Variants in COX11 observed in about 807,000 individuals in gnomAD.
COX11 encodes cytochrome c oxidase assembly protein COX11, mitochondrial.
Under a neutral mutation model 29.4 loss-of-function variants are expected in COX11, and 18 were observed. The ratio of observed to expected loss-of-function variants is 0.61; its 90% CI spans 0.42 to 0.91. The LOEUF (loss-of-function observed/expected upper bound fraction) is 0.91. Ranked by LOEUF, COX11 falls within the 40% of genes least tolerant of loss-of-function variation. COX11 has a pLI of 0.00. For missense variants in COX11, 312 were observed against 346.0 expected, an observed-to-expected ratio of 0.90 and a Z score of 0.78; for synonymous variants, 131 against 124.0, an observed-to-expected ratio of 1.06 and a Z score of -0.38.
At chr17:54,952,125 A>G (rs2049264396) in exon 1 of COX11, 1 of 152,198 alleles carries the variant, frequency 6.6e-6, no homozygotes, top group African/African-American at 2.4e-5. Flanking sequence ...GGAAGATACA[A>G]ATTTTACGAA....
Position 54,968,363 on chromosome 17 carries a change from G to T in COX11, c.284C>A (p.Thr95Asn). ...GGCGACAGCGGCCACGTAAGTGAGG[G>T]TCGTCTTGTTCTGCCGCCGCCGCTC... ...EEERRRQNKT[T>N]LTYVAAVAVG... The change falls in exon 1 of 4, where the codon ACC becomes AAC. Residue 95 changes from threonine (T) to asparagine (N), a missense_variant. Thr to Asn is a moderately conservative substitution (Grantham distance 65). Coordinates refer to ENST00000299335, the MANE Select transcript of COX11 (RefSeq NM_004375.5). 6.2e-7 allele frequency: 1 copy of T among 1,613,004 alleles called. No individual in the cohort carries two copies. The highest frequency in any genetic ancestry group is 2.2e-5 in the East Asian group (1 of 44,820).
downstream of COX11, among the ~76,000 whole-genome samples, chr17:54,955,686 T>C (rs146067893): frequency 2.2e-4 from 34 of 152,036 alleles, no homozygotes; most frequent in African/African-American, 8.0e-4. Context: ...GCGATGTCTC[T>C]CAGTCTCCCA....
rs1037217468 is a variant in COX11 at position 54,960,781 on chromosome 17, C to G, written c.*1952G>C. Among the ~76,000 whole-genome samples the G allele has an allele frequency of 6.6e-6, 1 of 152,128 alleles. No individual in the cohort carries two copies. Among genetic ancestry groups the G allele is most frequent in the Non-Finnish European group, 1.5e-5 (1 of 68,034 alleles). ...CCTGAATCATTCAAATTGTGCTGAA[C>G]CATTGTTCACTAATGAGAGTCATTC... On this transcript the variant is annotated 3_prime_UTR_variant, in exon 4 of 4. Transcript: ENST00000299335.
intron 1 of COX11, among the ~76,000 whole-genome samples, chr17:54,967,166 T>C (rs1325070766): frequency 2.0e-5 from 3 of 152,138 alleles, no homozygotes; most frequent in Admixed American, 6.5e-5. Context: ...TAAAACATAC[T>C]TGACAATTAC....
intron 1 of COX11, among the ~76,000 whole-genome samples, chr17:54,966,527 G>A (rs530906548): frequency 6.6e-6 from 1 of 152,222 alleles, no homozygotes; most frequent in East Asian, 1.9e-4. Flanking sequence ...TGGTTATTTA[G>A]TAGCATTCCT....
At chr17:54,955,803 T>C (rs958369751), downstream of COX11, among the ~76,000 whole-genome samples, 19 of 152,202 alleles carry the variant, frequency 1.2e-4, no homozygotes, top group African/African-American at 4.3e-4. Context: ...ACCACTCTTT[T>C]AGTAGTTCAT....
At position 54,962,719 on chromosome 17, in the gene COX11, CT is replaced by C; in HGVS notation, c.*13del. The C allele has an allele frequency of 6.2e-7, 1 of 1,605,398 alleles. No homozygotes were observed. Among genetic ancestry groups the C allele is most frequent in the Non-Finnish European group, 8.5e-7 (1 of 1,177,674 alleles). Reference sequence around the variant, plus strand: ...CAAAAATCACAACTTTGAAGGAAGACTTAGTTGCTGACTTCAATTATATCCT... The same window carrying C: ...CAAAAATCACAACTTTGAAGGAAGACTAGTTGCTGACTTCAATTATATCCT... On this transcript the variant is annotated 3_prime_UTR_variant, in exon 4 of 4. Coordinates refer to ENST00000299335, the MANE Select transcript of COX11 (RefSeq NM_004375.5).
Position 54,968,490 on chromosome 17 carries a change from G to GCCACCTCAGTCCTCT in COX11, c.142_156dup (p.Arg48_Trp52dup). On this transcript the variant is annotated inframe_insertion, in exon 1 of 4. Coordinates refer to ENST00000299335, the MANE Select transcript of COX11 (RefSeq NM_004375.5). Reference sequence around the variant, plus strand: ...AGGCTGCAGCGCTTCCATGTCCCAAGCCACCTCAGTCCTCTCTCGGCACCT... The same window carrying GCCACCTCAGTCCTCT: ...AGGCTGCAGCGCTTCCATGTCCCAAGCCACCTCAGTCCTCTCCACCTCAGTCCTCTCTCGGCACCT... The GCCACCTCAGTCCTCT allele has an allele frequency of 6.2e-7, 1 of 1,613,380 alleles. No homozygotes were observed. The highest frequency in any genetic ancestry group is 2.2e-5 in the East Asian group (1 of 44,826).
chr17:54,953,677 C>G (rs1180213880), exon 1 of COX11: 2 of 152,384 alleles, frequency 1.3e-5, no homozygotes, highest in African/African-American at 4.8e-5. Flanking sequence ...CATCTTCTTC[C>G]TGGGCTTCCT....
intron 2 of COX11, 47 bp from the exon 3 acceptor site, chr17:54,963,478 G>T: frequency 1.3e-6 from 2 of 1,555,268 alleles, no homozygotes; most frequent in Non-Finnish European, 1.7e-6. Flanking sequence ...ATCTCACAAA[G>T]TTCCTCTTTT....
chr17:54,953,753 T>C (rs2049351572), exon 1 of COX11: 1 of 152,180 alleles, frequency 6.6e-6, no homozygotes, highest in South Asian at 2.1e-4. Flanking sequence ...ATCTCTTTAC[T>C]ATAGACCTTA....
downstream of COX11, among the ~76,000 whole-genome samples, chr17:54,956,484 A>G (rs8066744): frequency 6.6e-6 from 1 of 151,934 alleles, no homozygotes; most frequent in African/African-American, 2.4e-5. Context: ...TTTTTTGTAT[A>G]TTTAGTAGAG....
chr17:54,967,350 C>G (rs1456689561), intron 1 of COX11, among the ~76,000 whole-genome samples: 3 of 152,090 alleles, frequency 2.0e-5, no homozygotes, highest in Non-Finnish European at 4.4e-5. Flanking sequence ...CTGTCCCTAC[C>G]CTAGACTTCC....
downstream of COX11, chr17:54,956,822 T>C (rs1202766057): frequency 6.6e-6 from 1 of 151,580 alleles, no homozygotes; most frequent in Non-Finnish European, 1.5e-5. Context: ...AGCAGGAAAG[T>C]GACAGGAGGG....
At chr17:54,957,967 G>GT (rs2076991875), downstream of COX11, 1 of 152,210 alleles carries the variant, frequency 6.6e-6, no homozygotes, top group Non-Finnish European at 1.5e-5. Flanking sequence ...TTGAAAGTTT[G>GT]TAACAGAACT....
chr17:54,955,066 C>T (rs540867191), exon 1 of COX11: 2 of 152,174 alleles, frequency 1.3e-5, no homozygotes, highest in South Asian at 4.2e-4. Flanking sequence ...TAGTTCACGA[C>T]ATTCTACGGT....
At chr17:54,953,557 G>A (rs1045289456) in exon 1 of COX11, 17 of 152,272 alleles carry the variant, frequency 1.1e-4, no homozygotes, top group African/African-American at 4.1e-4. Flanking sequence ...GGGATGATTT[G>A]GACATTCCCT....
chr17:54,953,480 T>A (rs981875918), exon 1 of COX11: 1 of 152,308 alleles, frequency 6.6e-6, no homozygotes, highest in Non-Finnish European at 1.5e-5. Flanking sequence ...CATGTCCCCA[T>A]CCATCAGTTT....
chr17:54,966,012 T>TA (rs2144164471), intron 1 of COX11, among the ~76,000 whole-genome samples: 1 of 152,336 alleles, frequency 6.6e-6, no homozygotes, highest in African/African-American at 2.4e-5. Flanking sequence ...CTCTGTTTGT[T>TA]ACGCAAGTCA....
Sources: allele counts gnomAD v4.1 joint callset (sites outside exome capture counted in the v4.1 genomes callset), GRCh38; gene constraint gnomAD v4.1.1; transcripts MANE v1.5; gene names NCBI Gene and HGNC (gene_info 2026-07-23, HGNC 2026-07-21).